SGK3: variants seen among roughly 807,000 people sequenced by gnomAD.
SGK3 encodes the protein serine/threonine-protein kinase Sgk3.
Under a neutral mutation model 68.5 loss-of-function variants are expected in SGK3, and 47 were observed. The observed-to-expected ratio is 0.69, with a 90% CI of 0.54 to 0.87. The LOEUF (loss-of-function observed/expected upper bound fraction) is 0.87. Ranked by LOEUF, SGK3 falls within the 40% of genes least tolerant of loss-of-function variation. SGK3 has a pLI of 0.00. For synonymous variants in SGK3, 181 were observed against 189.1 expected (o/e 0.96, Z 0.35); for missense variants, 479 against 575.5 (o/e 0.83, Z 1.72).
chr8:66,849,106 T>A (rs1261381652), intron 15 of SGK3, among the ~76,000 whole-genome samples: 1 of 152,218 alleles, frequency 6.6e-6, no homozygotes, highest in Non-Finnish European at 1.5e-5. Context: ...AACCCTCTTT[T>A]CTTCCGTGCT....
intron 1 of SGK3, among the ~76,000 whole-genome samples, chr8:66,777,698 C>T (rs1806766946): frequency 6.6e-6 from 1 of 152,142 alleles, no homozygotes; most frequent in Non-Finnish European, 1.5e-5. Context: ...CAAGTGACTT[C>T]ACATCCTTAC....
rs150829638 is a variant in SGK3 at position 66,851,469 on chromosome 8, C to T, written c.1320+549C>T. 3.0e-3 allele frequency among the ~76,000 whole-genome samples: 452 copies of T among 151,324 alleles called. 6 individuals carry two copies. The highest frequency in any genetic ancestry group is 9.3e-3 in the African/African-American group (384 of 41,182). ...TCAGGAGGTGGAGATTGCAGTGAGT[C>T]GAAATTGCACCACTGCACTCCAGCC... On this transcript the variant is annotated intron_variant, in intron 16 of 16. Coordinates refer to ENST00000521198, the MANE Select transcript of SGK3 (RefSeq NM_001033578.3).
At chr8:66,738,338 A>G (rs373597215) in intron 1 of SGK3, among the ~76,000 whole-genome samples, 18 of 152,048 alleles carry the variant, frequency 1.2e-4, no homozygotes, top group Admixed American at 7.9e-4. Flanking sequence ...CTTAATTGTG[A>G]CACCCCCCAT....
chr8:66,762,135 AC>A (rs571952025), intron 1 of SGK3, among the ~76,000 whole-genome samples: 6 of 152,286 alleles, frequency 3.9e-5, no homozygotes, highest in Admixed American at 2.6e-4. Context: ...TGCCCGGCTA[AC>A]TTTTGTATTT....
chr8:66,843,591 T>C (rs775620623), intron 14 of SGK3, 44 bp downstream of exon 14: 3 of 1,569,688 alleles, frequency 1.9e-6, no homozygotes, highest in Non-Finnish European at 2.6e-6. Context: ...TTATCATTGA[T>C]TTGATTGTCT....
chr8:66,759,748 C>T (rs541588565), intron 1 of SGK3, among the ~76,000 whole-genome samples: 8 of 152,000 alleles, frequency 5.3e-5, no homozygotes, highest in Admixed American at 2.6e-4. Context: ...CTGCAAGCTC[C>T]GCCTCCTGGG....
In SGK3 at chr8:66,850,796, G is replaced by A. The variant is rs377314155; in HGVS notation, c.1231-35G>A. 52 of 1,556,274 alleles carry A rather than the reference G, an allele frequency of 3.3e-5. No individual in the cohort carries two copies. In the African/African-American group the frequency reaches 5.2e-4, roughly 16 times the overall value. ...GCAGTTAGTACTTAATATATTCTTCGGCATTAGTAAAACAAATTTTTTTTA... is the reference window on the plus strand; with the variant it reads ...GCAGTTAGTACTTAATATATTCTTCAGCATTAGTAAAACAAATTTTTTTTA... On this transcript the variant is annotated intron_variant, in intron 15 of 16. Transcript: ENST00000521198.
At chr8:66,748,259 G>A (rs1004437583) in intron 1 of SGK3, among the ~76,000 whole-genome samples, 8 of 152,026 alleles carry the variant, frequency 5.3e-5, no homozygotes, top group Non-Finnish European at 1.2e-4. Context: ...TTTGGAGATC[G>A]TTTTGGTAAA....
chr8:66,849,145 A>G (rs1810160386), intron 15 of SGK3, among the ~76,000 whole-genome samples: 1 of 152,126 alleles, frequency 6.6e-6, no homozygotes, highest in South Asian at 2.1e-4. Context: ...AATTGGTCCC[A>G]TGGCTTTAGT....
chr8:66,837,005 A>C (rs914419505), intron 10 of SGK3, among the ~76,000 whole-genome samples: 1 of 152,198 alleles, frequency 6.6e-6, no homozygotes, highest in African/African-American at 2.4e-5. Context: ...TACAATAATT[A>C]CAATAATAAC....
intron 3 of SGK3, among the ~76,000 whole-genome samples, chr8:66,799,280 AG>A (rs1807829160): frequency 6.6e-6 from 1 of 152,252 alleles, no homozygotes; most frequent in Admixed American, 6.5e-5. Flanking sequence ...CTGTAATTCC[AG>A]CACTTTGAGA....
At chr8:66,788,338 CT>C (rs1190197353) in intron 1 of SGK3, among the ~76,000 whole-genome samples, 1 of 152,192 alleles carries the variant, frequency 6.6e-6, no homozygotes. Flanking sequence ...TACATAGTCT[CT>C]TGGTTTTCCA....
intron 1 of SGK3, among the ~76,000 whole-genome samples, chr8:66,729,348 C>T (rs1168160243): frequency 5.0e-5 from 7 of 139,226 alleles, no homozygotes; most frequent in African/African-American, 1.3e-4. Context: ...CCCAGCTACT[C>T]GGGAGGCTGA....
At chr8:66,737,830 G>T (rs1308196929) in intron 1 of SGK3, among the ~76,000 whole-genome samples, 1 of 151,826 alleles carries the variant, frequency 6.6e-6, no homozygotes, top group Non-Finnish European at 1.5e-5. Flanking sequence ...TGCCCAAGCT[G>T]GTCTTGAGCT....
rs555514122 is a variant in SGK3 at position 66,746,975 on chromosome 8, G to GTATTCAC, written c.-122+34144_-122+34150dup. Among the ~76,000 whole-genome samples, 1,165 of 152,098 alleles carry GTATTCAC rather than the reference G, an allele frequency of 7.7e-3. 9 individuals are homozygous for GTATTCAC. The highest frequency in any genetic ancestry group is 0.026 in the African/African-American group (1,094 of 41,464). ...TTACAAAGATGAAATCCTGATGGAAGTATTCACTGGCATACTGTTTTCCAG... is the reference window on the plus strand; with the variant it reads ...TTACAAAGATGAAATCCTGATGGAAGTATTCACTATTCACTGGCATACTGTTTTCCAG... On this transcript the variant is annotated intron_variant, in intron 1 of 16. Coordinates refer to ENST00000521198, the MANE Select transcript of SGK3 (RefSeq NM_001033578.3).
In SGK3 at chr8:66,798,579, G is replaced by GT; in HGVS notation, c.134_135insT (p.Trp45CysfsTer11). 6.2e-7 allele frequency: 1 copy of GT among 1,611,254 alleles called. No individual in the cohort carries two copies. The highest frequency in any genetic ancestry group is 8.5e-7 in the Non-Finnish European group (1 of 1,178,494). ...CTGGTTTCAGTGGGAAGAAGTGAAT[G>GT]GTTTGTCTTCAGGAGATATGCAGAG... On this transcript the variant is annotated frameshift_variant, in exon 3 of 17. Coordinates refer to ENST00000521198, the MANE Select transcript of SGK3 (RefSeq NM_001033578.3). LOFTEE classifies it high-confidence loss of function.
At chr8:66,843,823 A>G (rs1356419861) in intron 14 of SGK3, among the ~76,000 whole-genome samples, 2 of 152,032 alleles carry the variant, frequency 1.3e-5, no homozygotes, top group African/African-American at 2.4e-5. Context: ...GCGAAATCCC[A>G]TCTCTACTAA....
chr8:66,804,804 A>G (rs759805642), intron 4 of SGK3, among the ~76,000 whole-genome samples: 2 of 152,202 alleles, frequency 1.3e-5, no homozygotes, highest in African/African-American at 2.4e-5. Flanking sequence ...TTATCTGTCA[A>G]TGGGCTGGGC....
chr8:66,748,311 G>A (rs1171052257), intron 1 of SGK3, among the ~76,000 whole-genome samples: 2 of 152,206 alleles, frequency 1.3e-5, no homozygotes, highest in East Asian at 3.9e-4. Context: ...ATTTATGCTC[G>A]AAGGTTTCTA....
Sources: allele counts gnomAD v4.1 joint callset (sites outside exome capture counted in the v4.1 genomes callset), GRCh38; gene constraint gnomAD v4.1.1; transcripts MANE v1.5; gene names NCBI Gene and HGNC (gene_info 2026-07-23, HGNC 2026-07-21).